Variants in ZNF556 observed in about 807,000 individuals in gnomAD.
The protein encoded by ZNF556 is zinc finger protein 556.
Under a neutral mutation model 13.6 loss-of-function variants are expected in ZNF556, and 11 were observed. That is an observed-to-expected ratio of 0.81 (90% CI 0.51 to 1.33). The LOEUF is 1.33. Ranked by LOEUF, ZNF556 falls within the 40% of genes most tolerant of loss-of-function variation. The probability of loss-of-function intolerance (pLI) is 0.00; values close to 1 mark genes in which losing one functional copy is unlikely to be tolerated. For missense variants in ZNF556, 633 were observed against 566.2 expected (o/e 1.12, Z -1.20); for synonymous variants, 229 against 207.8 (o/e 1.10, Z -0.88).
rs201103084 is a variant in ZNF556 at position 2,877,534 on chromosome 19, G to T, written c.576G>T (p.Thr192=). 1.9e-6 allele frequency: 3 copies of T among 1,614,040 alleles called. No homozygotes were observed. The highest frequency in any genetic ancestry group is 2.7e-5 in the African/African-American group (2 of 74,984). Residue 192 remains threonine, a synonymous_variant, in exon 4 of 4, where the codon ACG becomes ACT. Coordinates refer to ENST00000307635, the MANE Select transcript of ZNF556 (RefSeq NM_024967.3). ...KAFSRPSYLQ[T]HEKTHSGEKP... Reference sequence around the variant, plus strand: ...TCAGTCGCCCTTCCTACCTACAGACGCATGAGAAAACTCACAGTGGAGAGA... The same window carrying T: ...TCAGTCGCCCTTCCTACCTACAGACTCATGAGAAAACTCACAGTGGAGAGA...
chr19:2,875,487 C>A, intron 2 of ZNF556: 1 of 154,330 alleles, frequency 6.5e-6, no homozygotes. Context: ...GCCACTGCGC[C>A]CGGCCAAACA....
chr19:2,880,057 T>A lies in ZNF556; in HGVS notation c.*1728T>A, dbSNP rs2087893317. ...AAATAAATAAATAAAGAATAATTTT[T>A]TAAAAAAGCACAGGGGATTGTTTCC... On this transcript the variant is annotated 3_prime_UTR_variant, in exon 4 of 4. Coordinates refer to ENST00000307635, the MANE Select transcript of ZNF556 (RefSeq NM_024967.3). 1 of 151,340 alleles carries A rather than the reference T, an allele frequency of 6.6e-6. No homozygotes were observed. The highest frequency in any genetic ancestry group is 2.4e-5 in the African/African-American group (1 of 41,182). The allele number at this position is 151,340 out of a possible 1,614,324, so 9.4% of individuals were successfully genotyped here. A position where few individuals can be genotyped will look rare whatever the true frequency, so the allele number is the denominator to read the frequency against.
intron 3 of ZNF556, 41 bp downstream of exon 3, chr19:2,876,317 C>T (rs747065860): frequency 4.3e-5 from 66 of 1,528,418 alleles, no homozygotes; most frequent in South Asian, 1.2e-4. Context: ...TCGCCAGGCA[C>T]GGTGGCTCAT....
rs938026175 is a variant in ZNF556 at position 2,879,366 on chromosome 19, T to C, written c.*1037T>C. 13 of 152,314 alleles carry C rather than the reference T, an allele frequency of 8.5e-5. No individual in the cohort carries two copies. Among genetic ancestry groups the C allele is most frequent in the African/African-American group, 3.1e-4 (13 of 41,578 alleles). 9.4% of individuals were successfully genotyped at this position (152,314 alleles called of 1,614,324 possible). ...TTTGGGTTTTTTTTCTTTTTCTTTT[T>C]TGAGACAGAGTCCTGTTATGTTGCC... On this transcript the variant is annotated 3_prime_UTR_variant, in exon 4 of 4. Transcript: ENST00000307635.
rs1261614921 is a variant in ZNF556, at chr19:2,879,820, G to A, written c.*1491G>A. Reference sequence around the variant, plus strand: ...CTGAGGTGGGCGGATCACGAGGTCAGGAAATCGAGACCATCCTGGCTATCA... The same window carrying A: ...CTGAGGTGGGCGGATCACGAGGTCAAGAAATCGAGACCATCCTGGCTATCA... On this transcript the variant is annotated 3_prime_UTR_variant, in exon 4 of 4. Coordinates refer to ENST00000307635, the MANE Select transcript of ZNF556 (RefSeq NM_024967.3). The A allele has an allele frequency of 1.3e-5, 2 of 151,344 alleles. No individual in the cohort carries two copies. The highest frequency in any genetic ancestry group is 2.9e-5 in the Non-Finnish European group (2 of 67,882). 9.4% of individuals were successfully genotyped at this position (151,344 alleles called of 1,614,324 possible).
chr19:2,870,213 G>A (rs1055258892), intron 1 of ZNF556, among the ~76,000 whole-genome samples: 35 of 152,182 alleles, frequency 2.3e-4, no homozygotes, highest in African/African-American at 7.0e-4. Context: ...TTGGGAGGCC[G>A]AGGCAGGTGG....
intron 3 of ZNF556, 102 bp from the exon 4 acceptor site, chr19:2,877,171 C>G: frequency 1.0e-6 from 1 of 966,682 alleles, no homozygotes; most frequent in Non-Finnish European, 1.5e-6. Flanking sequence ...GATCATGCCA[C>G]TGCACTCCAG....
chr19:2,867,374 G>A lies in ZNF556; in HGVS notation c.-48G>A. On this transcript the variant is annotated 5_prime_UTR_variant, in exon 1 of 4. Coordinates refer to ENST00000307635, the MANE Select transcript of ZNF556 (RefSeq NM_024967.3). ...GTCCCCGTCGTGCTCACCTGCACCG[G>A]CTGCGAGGAGCAGGGAGCTCCTCAA... 3 of 1,568,684 alleles carry A rather than the reference G, an allele frequency of 1.9e-6. No individual in the cohort carries two copies. The highest frequency in any genetic ancestry group is 2.6e-6 in the Non-Finnish European group (3 of 1,157,018).
intron 1 of ZNF556, 38 bp downstream of exon 1, chr19:2,867,462 C>T (rs1275454253): frequency 6.3e-7 from 1 of 1,575,066 alleles, no homozygotes; most frequent in Non-Finnish European, 8.6e-7. Flanking sequence ...AGCCGGAGCC[C>T]TGGGAGGGGA....
chr19:2,874,153 A>G (rs1057177240), intron 2 of ZNF556, among the ~76,000 whole-genome samples: 1 of 152,074 alleles, frequency 6.6e-6, no homozygotes, highest in Non-Finnish European at 1.5e-5. Context: ...GCTACTCGGG[A>G]GGCTGAGGCA....
chr19:2,873,043 C>T (rs1599579365), intron 1 of ZNF556, among the ~76,000 whole-genome samples: 1 of 148,844 alleles, frequency 6.7e-6, no homozygotes, highest in Non-Finnish European at 1.5e-5. Flanking sequence ...TGAGGCAGGA[C>T]AATCGCTTGA....
rs1249208724 is a variant in ZNF556 at position 2,879,383 on chromosome 19, T to C, written c.*1054T>C. 1 of 152,170 alleles carries C rather than the reference T, an allele frequency of 6.6e-6. No homozygotes were observed. The highest frequency in any genetic ancestry group is 1.5e-5 in the Non-Finnish European group (1 of 68,054). The allele number at this position is 152,170 out of a possible 1,614,324, so 9.4% of individuals were successfully genotyped here. Reference sequence around the variant, plus strand: ...TTTCTTTTTTGAGACAGAGTCCTGTTATGTTGCCCAAGCTGGAGTGCAACG... The same window carrying C: ...TTTCTTTTTTGAGACAGAGTCCTGTCATGTTGCCCAAGCTGGAGTGCAACG... On this transcript the variant is annotated 3_prime_UTR_variant, in exon 4 of 4. Transcript: ENST00000307635.
At chr19:2,868,065 G>A (rs998877790) in intron 1 of ZNF556, among the ~76,000 whole-genome samples, 1 of 151,912 alleles carries the variant, frequency 6.6e-6, no homozygotes, top group African/African-American at 2.4e-5. Context: ...TAAAGTTCTC[G>A]TCTTACATTC....
chr19:2,877,395 G>A lies in ZNF556; in HGVS notation c.437G>A (p.Arg146Gln), dbSNP rs35499960. The A allele has an allele frequency of 2.9e-5, 47 of 1,614,032 alleles. No individual in the cohort carries two copies. The highest frequency in any genetic ancestry group is 2.0e-4 in the African/African-American group (15 of 74,982). The change falls in exon 4 of 4, where the codon CGG becomes CAG. Residue 146 changes from arginine to glutamine, a missense_variant. Physicochemically the swap from Arg to Gln is conservative, Grantham distance 43 (BLOSUM62 1). Coordinates refer to ENST00000307635, the MANE Select transcript of ZNF556 (RefSeq NM_024967.3). ...AAGAATTGTTGTACTAGTGTAAGAC[G>A]GTACGAATGCAGTCAGTGTGGAAAA... is the stretch of plus-strand genomic sequence containing the variant. The part of the protein sequence containing the change: ...LRKNCCTSVR[R>Q]YECSQCGKLF...
chr19:2,869,240 A>G (rs553446647), intron 1 of ZNF556, among the ~76,000 whole-genome samples: 1 of 152,134 alleles, frequency 6.6e-6, no homozygotes, highest in African/African-American at 2.4e-5. Flanking sequence ...ATTACCGCCT[A>G]CATCTCAGTT....
rs551194365 is a variant in ZNF556, at chr19:2,872,213, A to G, written c.4-1283A>G. ...CCCTCCACAAGAGGTGGAGGAGTAGAGTCTTCTCTAAACTCCCCCGGGGGA... is the reference window on the plus strand; with the variant it reads ...CCCTCCACAAGAGGTGGAGGAGTAGGGTCTTCTCTAAACTCCCCCGGGGGA... On this transcript the variant is annotated intron_variant, in intron 1 of 3. Transcript: ENST00000307635. 3.3e-3 allele frequency among the ~76,000 whole-genome samples: 508 copies of G among 152,008 alleles called. 4 individuals are homozygous for G. The highest frequency in any genetic ancestry group is 0.011 in the African/African-American group (452 of 41,442).
Sources: allele counts gnomAD v4.1 joint callset (sites outside exome capture counted in the v4.1 genomes callset), GRCh38; gene constraint gnomAD v4.1.1; transcripts MANE v1.5; gene names NCBI Gene and HGNC (gene_info 2026-07-23, HGNC 2026-07-21).